Variants in SRP54 observed in about 807,000 individuals in gnomAD.
SRP54 encodes the protein signal recognition particle subunit SRP54.
Under a neutral mutation model 64.8 loss-of-function variants are expected in SRP54, and 10 were observed. That is an observed-to-expected ratio of 0.15 (90% confidence interval 0.10 to 0.26). The LOEUF (loss-of-function observed/expected upper bound fraction) is 0.26, where lower values mean the gene tolerates loss of function less well. SRP54 is among the 10% of genes least tolerant of loss of function. The probability of loss-of-function intolerance (pLI) is 1.00; values close to 1 mark genes in which losing one functional copy is unlikely to be tolerated. For missense variants in SRP54, 325 were observed against 613.7 expected (o/e 0.53, Z 4.97); for synonymous variants, 193 against 185.6 (o/e 1.04, Z -0.32).
intron 1 of SRP54, among the ~76,000 whole-genome samples, chr14:34,995,989 C>G (rs56702134): frequency 6.7e-6 from 1 of 149,994 alleles, no homozygotes; most frequent in East Asian, 2.0e-4. Context: ...TTCCTGCGCC[C>G]AGGAAGTTGA....
At chr14:35,010,466 A>G (rs1164546856) in intron 7 of SRP54, among the ~76,000 whole-genome samples, 3 of 151,854 alleles carry the variant, frequency 2.0e-5, no homozygotes, top group Admixed American at 6.6e-5. Context: ...AAATAAATAA[A>G]TTTAAAAAAG....
At chr14:34,989,367 C>T (rs10162341) in intron 1 of SRP54, among the ~76,000 whole-genome samples, 2,704 of 151,924 alleles carry the variant, frequency 0.018, 66 homozygotes, top group African/African-American at 0.058. Context: ...ATTACCTGGG[C>T]GTGGTGGTGG....
At chr14:35,002,147 C>A (rs1293506660) in intron 4 of SRP54, among the ~76,000 whole-genome samples, 4 of 151,904 alleles carry the variant, frequency 2.6e-5, no homozygotes, top group Admixed American at 2.6e-4. Context: ...TGAGGTCAGG[C>A]GTTCGAGACC....
At chr14:34,998,910 G>A (rs2044116295) in intron 2 of SRP54, among the ~76,000 whole-genome samples, 1 of 150,080 alleles carries the variant, frequency 6.7e-6, no homozygotes, top group African/African-American at 2.4e-5. Context: ...AACATCAAAG[G>A]CAACATCTAT....
At chr14:35,007,586 T>A (rs1055879480) in intron 5 of SRP54, among the ~76,000 whole-genome samples, 199 bp downstream of exon 5, 5 of 146,676 alleles carry the variant, frequency 3.4e-5, no homozygotes, top group Admixed American at 1.4e-4. Context: ...AATATATTTA[T>A]ATTATAATAA....
chr14:35,010,399 T>C (rs2044337044), intron 7 of SRP54, among the ~76,000 whole-genome samples: 1 of 152,008 alleles, frequency 6.6e-6, no homozygotes, highest in African/African-American at 2.4e-5. Flanking sequence ...TGAGCTGAGA[T>C]GGCATCATTG....
At chr14:35,000,776 T>C (rs1046730874) in intron 3 of SRP54, among the ~76,000 whole-genome samples, 160 bp from the exon 4 acceptor site, 1 of 152,210 alleles carries the variant, frequency 6.6e-6, no homozygotes, top group Admixed American at 6.5e-5. Context: ...CTTTATGATA[T>C]AGACTTACGA....
At chr14:35,002,035 T>C (rs2044181354) in intron 4 of SRP54, among the ~76,000 whole-genome samples, 1 of 149,842 alleles carries the variant, frequency 6.7e-6, no homozygotes, top group Non-Finnish European at 1.5e-5. Context: ...AACCAGTCTC[T>C]ATAAAAAAAA....
chr14:34,999,048 T>A, intron 2 of SRP54, among the ~76,000 whole-genome samples: 1 of 120,338 alleles, frequency 8.3e-6, no homozygotes, highest in African/African-American at 2.9e-5. Context: ...AAAGTCTCAC[T>A]CTGTCACCCA....
At chr14:34,983,366 C>CTT (rs34163979) in intron 1 of SRP54, among the ~76,000 whole-genome samples, 151 bp downstream of exon 1, 75,802 of 151,890 alleles carry the variant, frequency 0.5, 19,897 homozygotes, top group East Asian at 0.69. Context: ...CTCTTTATCT[C>CTT]GTCTTCCATG....
chr14:35,000,074 C>T (rs1306402826), intron 3 of SRP54, among the ~76,000 whole-genome samples: 1 of 152,060 alleles, frequency 6.6e-6, no homozygotes, highest in Non-Finnish European at 1.5e-5. Context: ...TTCTCTGTTT[C>T]ATATTTGAAT....
intron 7 of SRP54, among the ~76,000 whole-genome samples, chr14:35,010,475 A>C (rs978661657): frequency 6.6e-6 from 1 of 152,092 alleles, no homozygotes; most frequent in Non-Finnish European, 1.5e-5. Context: ...AATTTAAAAA[A>C]GAAATTGGAG....
chr14:35,022,248 T>A (rs2044543669), intron 13 of SRP54, among the ~76,000 whole-genome samples: 1 of 152,056 alleles, frequency 6.6e-6, no homozygotes, highest in South Asian at 2.1e-4. Context: ...GGACATGGGG[T>A]CTCGAAACAT....
At chr14:35,025,719 C>A (rs575832536) in intron 14 of SRP54, among the ~76,000 whole-genome samples, 3 of 152,316 alleles carry the variant, frequency 2.0e-5, no homozygotes, top group East Asian at 1.9e-4. Flanking sequence ...CAGATTTATT[C>A]ATCATAAATG....
intron 1 of SRP54, among the ~76,000 whole-genome samples, chr14:34,986,762 C>A (rs2043901332): frequency 6.6e-6 from 1 of 151,556 alleles, no homozygotes. Flanking sequence ...ACCTGTAATC[C>A]CAGCTACTTG....
At chr14:34,986,566 GA>G (rs2043898269) in intron 1 of SRP54, among the ~76,000 whole-genome samples, 1 of 152,070 alleles carries the variant, frequency 6.6e-6, no homozygotes, top group African/African-American at 2.4e-5. Context: ...TAAAAAATTG[GA>G]AATTAGAAAA....
intron 14 of SRP54, chr14:35,027,592 C>T (rs557781711): frequency 6.6e-6 from 1 of 152,244 alleles, no homozygotes; most frequent in Non-Finnish European, 1.5e-5. Flanking sequence ...CCTGTCTCTA[C>T]TAAAAATACA....
At chr14:35,008,561 GAAAA>G in intron 5 of SRP54, 62 bp from the exon 6 acceptor site, 1 of 1,099,786 alleles carries the variant, frequency 9.1e-7, no homozygotes, top group South Asian at 2.3e-5. Flanking sequence ...AGGAAAAACA[GAAAA>G]AATTATATGT....
chr14:35,026,168 GTT>G (rs778893290), intron 14 of SRP54, among the ~76,000 whole-genome samples: 52,494 of 151,254 alleles, frequency 0.35, 9,689 homozygotes, highest in East Asian at 0.69. Context: ...TATCTATTCT[GTT>G]GTTGTTTTTT....
Sources: allele counts gnomAD v4.1 joint callset (sites outside exome capture counted in the v4.1 genomes callset), GRCh38; gene constraint gnomAD v4.1.1; transcripts MANE v1.5; gene names NCBI Gene and HGNC (gene_info 2026-07-23, HGNC 2026-07-21).